The following RILPL2 variants were observed in gnomAD, a reference collection of about 807,000 sequenced individuals.
RILPL2 encodes RILP-like protein 2.
A neutral mutation model predicts 22.2 loss-of-function variants in RILPL2; 19 were observed. The ratio of observed to expected loss-of-function variants is 0.86; its 90% CI spans 0.60 to 1.25. RILPL2 has a LOEUF of 1.25. Among genes scored for constraint, RILPL2 ranks in the 50% most tolerant of loss-of-function variants. The pLI is 0.00. For synonymous variants in RILPL2, 123 were observed against 111.6 expected, an observed-to-expected ratio of 1.10 and a Z score of -0.64; for missense variants, 243 against 263.6, an observed-to-expected ratio of 0.92 and a Z score of 0.54.
Position 123,436,677 on chromosome 12 carries a change from C to T in RILPL2, c.-257G>A. The T allele has an allele frequency of 1.8e-6, 1 of 564,060 alleles. No homozygotes were observed. Among genetic ancestry groups the T allele is most frequent in the South Asian group, 2.5e-5 (1 of 40,350 alleles). The allele number at this position is 564,060 out of a possible 1,614,324, so 34.9% of individuals were successfully genotyped here. A position where few individuals can be genotyped will look rare whatever the true frequency, so the allele number is the denominator to read the frequency against. ...TGTGGTTTGGGGCGCGAAGGGACAA[C>T]GGAAAAGGAGGCAGCCGAGAAGAGG... On this transcript the variant is annotated 5_prime_UTR_variant, in exon 1 of 4. Transcript: ENST00000280571. The surrounding 1 kb of genome is among the most constrained non-coding windows in gnomAD (Gnocchi z 6.7).
intron 1 of RILPL2, among the ~76,000 whole-genome samples, chr12:123,434,473 G>T (rs1407561408): frequency 1.3e-5 from 2 of 151,630 alleles, no homozygotes; most frequent in African/African-American, 4.9e-5. Flanking sequence ...ACCCAACCTG[G>T]AGTGCAGTGG....
At chr12:123,431,806 A>T (rs1355494370) in intron 1 of RILPL2, among the ~76,000 whole-genome samples, 5 of 150,314 alleles carry the variant, frequency 3.3e-5, no homozygotes, top group African/African-American at 7.3e-5. Flanking sequence ...AGCCTGGGCG[A>T]CAGAGCGAAA....
chr12:123,423,539 A>C (rs1481748346), intron 2 of RILPL2, among the ~76,000 whole-genome samples: 3 of 151,702 alleles, frequency 2.0e-5, no homozygotes, highest in Non-Finnish European at 4.4e-5. Context: ...TCTGAAAATA[A>C]AGGGTCTTAA....
At chr12:123,430,259 AT>A (rs967827845) in intron 2 of RILPL2, among the ~76,000 whole-genome samples, 1 of 151,558 alleles carries the variant, frequency 6.6e-6, no homozygotes, top group African/African-American at 2.4e-5. Flanking sequence ...AATACAAAAA[AT>A]TAGCCAGGCA....
intron 2 of RILPL2, among the ~76,000 whole-genome samples, chr12:123,428,733 C>T (rs1482022991): frequency 6.6e-6 from 1 of 152,194 alleles, no homozygotes; most frequent in African/African-American, 2.4e-5. Flanking sequence ...ACTGCTTAAG[C>T]AGGTGCCCAC....
intron 3 of RILPL2, among the ~76,000 whole-genome samples, chr12:123,420,018 G>A (rs1189246589): frequency 1.1e-5 from 1 of 93,310 alleles, no homozygotes; most frequent in African/African-American, 4.1e-5. Context: ...TAGAGACGGG[G>A]TTTCTTTTTT....
At chr12:123,421,904 G>T (rs1489428246) in intron 3 of RILPL2, among the ~76,000 whole-genome samples, 1 of 151,776 alleles carries the variant, frequency 6.6e-6, no homozygotes, top group African/African-American at 2.4e-5. Flanking sequence ...CTGACCTCAG[G>T]TGATCTGCCC....
chr12:123,429,219 G>A (rs776016893), intron 2 of RILPL2, among the ~76,000 whole-genome samples: 4 of 151,724 alleles, frequency 2.6e-5, no homozygotes, highest in Non-Finnish European at 5.9e-5. Context: ...TGAATCCCTG[G>A]GCTCAAGTGA....
At position 123,436,250 on chromosome 12, in the gene RILPL2, G is replaced by T; in HGVS notation, c.171C>A (p.Ser57Arg). ...ACTGCAGCTGCGTCACCCGGGGGTC[G>T]CTGCCCAGGGCCATAAGCTCGCGGC... is the stretch of plus-strand genomic sequence containing the variant. ...LLGRELMALG[S>R]DPRVTQLQFK... is the part of the protein sequence containing the mutation. Residue 57 changes from serine (S) to arginine (R), a missense_variant, in exon 1 of 4, where the codon AGC (serine) becomes AGA (arginine). Physicochemically the swap from Ser to Arg is moderately radical, Grantham distance 110. Transcript: ENST00000280571. The surrounding 1 kb of genome is among the most constrained non-coding windows in gnomAD (Gnocchi z 6.7). 3.1e-6 allele frequency: 5 copies of T among 1,611,294 alleles called. No individual in the cohort carries two copies. The highest frequency in any genetic ancestry group is 4.2e-6 in the Non-Finnish European group (5 of 1,178,908).
chr12:123,419,305 G>A (rs890174931), intron 3 of RILPL2, among the ~76,000 whole-genome samples: 9 of 152,272 alleles, frequency 5.9e-5, no homozygotes, highest in African/African-American at 2.2e-4. Context: ...TTACAGGTGT[G>A]AGCTACTGCG....
At chr12:123,419,094 T>C (rs1347871890) in intron 3 of RILPL2, among the ~76,000 whole-genome samples, 1 of 150,040 alleles carries the variant, frequency 6.7e-6, no homozygotes, top group Non-Finnish European at 1.5e-5. Flanking sequence ...CACTGCAAGC[T>C]CTGCCTGCTG....
At chr12:123,410,340 G>A (rs893697027), downstream of RILPL2, among the ~76,000 whole-genome samples, 39 of 152,166 alleles carry the variant, frequency 2.6e-4, no homozygotes, top group African/African-American at 8.9e-4. Flanking sequence ...TCCATGCTTG[G>A]GCACTGGTGG....
chr12:123,423,346 C>T (rs546500022), intron 2 of RILPL2, among the ~76,000 whole-genome samples, 189 bp from the exon 3 acceptor site: 58 of 151,498 alleles, frequency 3.8e-4, no homozygotes, highest in African/African-American at 1.4e-3. Context: ...GGACTACAGG[C>T]GCCTGCCACC....
chr12:123,413,101 C>G (rs1158435973), downstream of RILPL2: 3 of 153,122 alleles, frequency 2.0e-5, no homozygotes, highest in African/African-American at 7.2e-5. Flanking sequence ...GAGGCTGAGG[C>G]AGGAGCATCG....
intron 3 of RILPL2, 37 bp downstream of exon 3, chr12:123,423,007 A>G (rs982192430): frequency 6.9e-7 from 1 of 1,442,516 alleles, no homozygotes; most frequent in Non-Finnish European, 9.8e-7. Context: ...TTGAGTTATT[A>G]TTTGGCGGGA....
At chr12:123,409,396 A>G in the RILPL2 span, 1 of 152,512 alleles carries the variant, frequency 6.6e-6, no homozygotes, top group South Asian at 2.1e-4. Context: ...TGACTGTGTC[A>G]CACCAGCATG....
In RILPL2 at chr12:123,436,330, T is replaced by C; in HGVS notation, c.91A>G (p.Lys31Glu). 6.4e-7 allele frequency: 1 copy of C among 1,574,290 alleles called. No homozygotes were observed. Among genetic ancestry groups the C allele is most frequent in the Non-Finnish European group, 8.6e-7 (1 of 1,160,140 alleles). Residue 31 changes from lysine to glutamate, a missense_variant, in exon 1 of 4, where the codon AAG (lysine) becomes GAG (glutamate). Transcript: ENST00000280571. This position sits in a 1 kb window ranked among gnomAD's most constrained non-coding sequence, Gnocchi z 6.7. ...TCGGCGGTCAGCTGGAAGGGGCTCT[T>C]GCCCAGCGCCCCCTCGGGCCCAACC... ...DEVGPEGALG[K>E]SPFQLTAEDV...
chr12:123,410,204 T>G (rs1025394560), downstream of RILPL2, among the ~76,000 whole-genome samples: 1 of 152,190 alleles, frequency 6.6e-6, no homozygotes, highest in Non-Finnish European at 1.5e-5. Context: ...ATCATAAACT[T>G]TAGCTGATGT....
chr12:123,421,914 C>T (rs568735343), intron 3 of RILPL2, among the ~76,000 whole-genome samples: 18 of 151,706 alleles, frequency 1.2e-4, no homozygotes, highest in East Asian at 1.9e-4. Context: ...GTGATCTGCC[C>T]GCCTCAGCCT....
Sources: allele counts gnomAD v4.1 joint callset (sites outside exome capture counted in the v4.1 genomes callset), GRCh38; gene constraint gnomAD v4.1.1; non-coding constraint Gnocchi (gnomAD v3.1); transcripts MANE v1.5; gene names NCBI Gene and HGNC (gene_info 2026-07-23, HGNC 2026-07-21).